The following SATB1 variants were observed in gnomAD, a reference collection of about 807,000 sequenced individuals.
SATB1 encodes the protein SATB homeobox 1, also known as DNA-binding protein SATB1.
Under a neutral mutation model 86.9 loss-of-function variants are expected in SATB1, and 11 were observed. That is an observed-to-expected ratio of 0.13 (90% confidence interval 0.08 to 0.21). The LOEUF (loss-of-function observed/expected upper bound fraction) is 0.21. SATB1 is among the 10% of genes least tolerant of loss of function. The pLI is 1.00. For synonymous variants in SATB1, 357 were observed against 357.2 expected (o/e 1.00, Z 0.01); for missense variants, 551 against 937.6 (o/e 0.59, Z 5.39).
At position 18,394,222 on chromosome 3, in the gene SATB1, A is replaced by C. The variant is rs1263622272; in HGVS notation, c.1206+240T>G. 6.6e-6 allele frequency among the ~76,000 whole-genome samples: 1 copy of C among 152,216 alleles called. No homozygotes were observed. Among genetic ancestry groups the C allele is most frequent in the African/African-American group, 2.4e-5 (1 of 41,448 alleles). ...CAGTTTAAAGTACGTTTGACATTTA[A>C]TTAGTCTTTCAAAGGCCCTGAATTG... On this transcript the variant is annotated intron_variant, in intron 7 of 10. Coordinates refer to ENST00000338745, the MANE Select transcript of SATB1 (RefSeq NM_002971.6). This position sits in a 1 kb window ranked among gnomAD's most constrained non-coding sequence, Gnocchi z 5.9.
chr3:18,431,155 A>G (rs1001452974), intron 2 of SATB1, among the ~76,000 whole-genome samples: 3 of 152,154 alleles, frequency 2.0e-5, no homozygotes, highest in South Asian at 4.1e-4. Flanking sequence ...GAGTAAGAAG[A>G]AGGAAGGATT....
At position 18,425,073 on chromosome 3, in the gene SATB1, T is replaced by TGCCGCC. The variant is rs1299260350; in HGVS notation, c.-1477_-1472dup. 6.3e-6 allele frequency: 1 copy of TGCCGCC among 158,250 alleles called. No individual in the cohort carries two copies. Among genetic ancestry groups the TGCCGCC allele is most frequent in the Non-Finnish European group, 1.4e-5 (1 of 72,466 alleles). 9.8% of individuals were successfully genotyped at this position (158,250 alleles called of 1,614,324 possible). On this transcript the variant is annotated 5_prime_UTR_variant, in exon 1 of 11. Transcript: ENST00000338745. ...GTTGACTCATCCCGGCCGCTGTCGCTGCCGCCGCCGTGCCCCGCTCGGCTC... is the reference window on the plus strand; with the variant it reads ...GTTGACTCATCCCGGCCGCTGTCGCTGCCGCCGCCGCCGCCGTGCCCCGCTCGGCTC...
In SATB1 at chr3:18,386,494, G is replaced by T. The variant is rs770817814; in HGVS notation, c.1324C>A (p.Arg442=). Residue 442 remains arginine, a synonymous_variant, in exon 8 of 11, where the codon CGA becomes AGA. Coordinates refer to ENST00000338745, the MANE Select transcript of SATB1 (RefSeq NM_002971.6). The surrounding 1 kb of genome is among the most constrained non-coding windows in gnomAD (Gnocchi z 4.5). The part of the protein sequence containing the change: ...FLQLPEAERD[R]IYQDERERSL... ...CTTTCCCTTTCGTCCTGGTATATTC[G>T]GTCTCTTTCAGCTTCCGGTAACTGC... 4 of 1,614,046 alleles carry T rather than the reference G, an allele frequency of 2.5e-6. No homozygotes were observed. Among genetic ancestry groups the T allele is most frequent in the Non-Finnish European group, 3.4e-6 (4 of 1,180,016 alleles).
At chr3:18,370,254 T>C (rs1695399483) in intron 9 of SATB1, among the ~76,000 whole-genome samples, 1 of 151,770 alleles carries the variant, frequency 6.6e-6, no homozygotes, top group Non-Finnish European at 1.5e-5. Context: ...TAGCAAAAAA[T>C]CTCTTCTTTT....
At chr3:18,399,819 T>C (rs141232944) in intron 5 of SATB1, among the ~76,000 whole-genome samples, 5 of 152,290 alleles carry the variant, frequency 3.3e-5, no homozygotes, top group African/African-American at 1.2e-4. Flanking sequence ...TATTTCCTAA[T>C]TCAGGTAACT....
At chr3:18,368,222 G>A (rs1047549662) in intron 9 of SATB1, among the ~76,000 whole-genome samples, 2 of 152,168 alleles carry the variant, frequency 1.3e-5, no homozygotes, top group African/African-American at 4.8e-5. Flanking sequence ...AGAGTGTTGT[G>A]ATATAGGAAT....
chr3:18,430,189 G>C (rs945198054), upstream of SATB1, among the ~76,000 whole-genome samples: 34 of 152,140 alleles, frequency 2.2e-4, no homozygotes, highest in African/African-American at 8.2e-4. Context: ...CCATTGGACA[G>C]TGCTTACCCT....
Position 18,349,753 on chromosome 3 carries a change from G to C in SATB1, c.1780-71C>G. 1 of 1,509,610 alleles carries C rather than the reference G, an allele frequency of 6.6e-7. No homozygotes were observed. 93.5% of individuals were successfully genotyped at this position (1,509,610 alleles called of 1,614,324 possible). ...TCCACACAAAGCCGTCTCCAATCAG[G>C]AAAAATGTGGTCCCGGATCCTACAT... is the stretch of plus-strand genomic sequence containing the variant. On this transcript the variant is annotated intron_variant, in intron 10 of 10. Transcript: ENST00000338745. This position sits in a 1 kb window ranked among gnomAD's most constrained non-coding sequence, Gnocchi z 5.5.
chr3:18,382,636 T>C (rs945886289), intron 8 of SATB1, among the ~76,000 whole-genome samples: 1 of 152,222 alleles, frequency 6.6e-6, no homozygotes, highest in African/African-American at 2.4e-5. Flanking sequence ...GATATTTTCA[T>C]GAGACCAAAG....
chr3:18,397,136 CGTAA>C, intron 6 of SATB1, 39 bp downstream of exon 6: 1 of 1,057,564 alleles, frequency 9.5e-7, no homozygotes, highest in African/African-American at 1.6e-5. Context: ...CCAAATGACA[CGTAA>C]TGGTATGTAG....
intron 6 of SATB1, among the ~76,000 whole-genome samples, chr3:18,396,273 T>G (rs1696960682): frequency 6.6e-6 from 1 of 152,074 alleles, no homozygotes; most frequent in Non-Finnish European, 1.5e-5. Context: ...TTTGGATTAA[T>G]TTTTCTTAAA....
chr3:18,429,268 T>A (rs546400706), upstream of SATB1, among the ~76,000 whole-genome samples: 7 of 152,206 alleles, frequency 4.6e-5, no homozygotes, highest in Non-Finnish European at 8.8e-5. This position sits in a 1 kb window ranked among gnomAD's most constrained non-coding sequence, Gnocchi z 4.1. Context: ...CTGCATCGTT[T>A]CCTGAATGGA....
chr3:18,386,493 C>T lies in SATB1; in HGVS notation c.1325G>A (p.Arg442Gln), dbSNP rs749231162. ...FLQLPEAERD[R>Q]IYQDERERSL... is the part of the protein sequence containing the mutation. ...CCTTTCCCTTTCGTCCTGGTATATT[C>T]GGTCTCTTTCAGCTTCCGGTAACTG... Residue 442 changes from arginine to glutamine, a missense_variant, in exon 8 of 11, where the codon CGA (arginine) becomes CAA (glutamine). Around this residue, in one of 8 missense-constraint regions of SATB1, gnomAD observed 110 missense variants for 212.2 expected, o/e 0.52. Transcript: ENST00000338745. The surrounding 1 kb of genome is among the most constrained non-coding windows in gnomAD (Gnocchi z 4.5). The T allele has an allele frequency of 1.2e-6, 2 of 1,613,978 alleles. No homozygotes were observed. The highest frequency in any genetic ancestry group is 8.5e-7 in the Non-Finnish European group (1 of 1,180,028).
At chr3:18,429,015 A>G (rs1481507241), upstream of SATB1, among the ~76,000 whole-genome samples, 2 of 151,904 alleles carry the variant, frequency 1.3e-5, no homozygotes, top group African/African-American at 4.8e-5. The surrounding 1 kb of genome is among the most constrained non-coding windows in gnomAD (Gnocchi z 4.1). Flanking sequence ...TTCTTTTTTC[A>G]TCTTTTTAAA....
At chr3:18,405,283 G>A (rs974761053) in intron 5 of SATB1, among the ~76,000 whole-genome samples, 1 of 151,858 alleles carries the variant, frequency 6.6e-6, no homozygotes, top group African/African-American at 2.4e-5. Context: ...ACCCATTTGA[G>A]AAATCTCTTT....
intron 4 of SATB1, 147 bp downstream of exon 4, chr3:18,415,860 A>G: frequency 1.7e-6 from 1 of 571,862 alleles, no homozygotes; most frequent in Non-Finnish European, 2.8e-6. Context: ...GAAAAAAGGC[A>G]GAAGGATAGG....
intron 8 of SATB1, among the ~76,000 whole-genome samples, chr3:18,382,450 C>T (rs1696114581): frequency 6.6e-6 from 1 of 152,094 alleles, no homozygotes. Context: ...AAAAAGTATA[C>T]CCTTACGGTA....
intron 9 of SATB1, among the ~76,000 whole-genome samples, chr3:18,375,133 TCTA>T (rs984595405): frequency 2.6e-5 from 4 of 152,146 alleles, no homozygotes; most frequent in African/African-American, 9.7e-5. Context: ...CCTCACTGTT[TCTA>T]CTGTCAATAA....
chr3:18,445,487 T>C, intron 1 of SATB1: 1 of 985,238 alleles, frequency 1.0e-6, no homozygotes, highest in African/African-American at 1.7e-5. Context: ...CGCGGCGCGG[T>C]TCTCGTCGCC....
Sources: gnomAD v4.1 joint callset for allele counts (sites outside exome capture counted in the v4.1 genomes callset) on GRCh38, gnomAD v4.1.1 for gene constraint, gnomAD v4.1.1 regional missense constraint, Gnocchi (gnomAD v3.1) non-coding constraint, MANE v1.5 for transcripts, NCBI Gene and HGNC (gene_info 2026-07-23, HGNC 2026-07-21) for gene names.